INPP5A: variants seen among roughly 807,000 people sequenced by gnomAD.
The protein encoded by INPP5A is 43 kDa inositol polyphosphate 5-phophatase.
Under a neutral mutation model 65.2 loss-of-function variants are expected in INPP5A, and 14 were observed. The observed-to-expected ratio is 0.21, with a 90% CI of 0.14 to 0.34. INPP5A has a LOEUF of 0.34. Ranked by LOEUF, INPP5A falls within the 10% of genes least tolerant of loss-of-function variation. The pLI is 1.00. For synonymous variants in INPP5A, 207 were observed against 208.3 expected (o/e 0.99, Z 0.05); for missense variants, 431 against 545.6 (o/e 0.79, Z 2.09).
intron 8 of INPP5A, among the ~76,000 whole-genome samples, chr10:132,722,902 CTG>C (rs1428495695): frequency 7.9e-5 from 12 of 152,102 alleles, no homozygotes; most frequent in African/African-American, 2.9e-4. Context: ...TTTAGAACAA[CTG>C]TTTTTTTTTC....
At chr10:132,780,435 G>A (rs931012436) in intron 13 of INPP5A, among the ~76,000 whole-genome samples, 4 of 152,256 alleles carry the variant, frequency 2.6e-5, no homozygotes, top group African/African-American at 9.6e-5. Flanking sequence ...ATGGGCTGCC[G>A]CACTCAGAGG....
chr10:132,640,965 G>T (rs1283093051), intron 2 of INPP5A, among the ~76,000 whole-genome samples: 1 of 152,208 alleles, frequency 6.6e-6, no homozygotes, highest in African/African-American at 2.4e-5. Flanking sequence ...CCGCCGGGAT[G>T]CTCTGCCATG....
rs943635804 is a variant in INPP5A, at chr10:132,711,584, C to T, written c.647+1128C>T. On this transcript the variant is annotated intron_variant, in intron 8 of 15. Coordinates refer to ENST00000368594, the MANE Select transcript of INPP5A (RefSeq NM_005539.5). The stretch of plus-strand genomic sequence containing the variant: ...GCCCCTGACCTGAGCCCCCGCCCAG[C>T]CCCCGTGCGTGCAGAATGCGGAGTT... Among the ~76,000 whole-genome samples the T allele has an allele frequency of 2.0e-5, 3 of 152,152 alleles. 1 individual carries two copies. The highest frequency in any genetic ancestry group is 7.2e-5 in the African/African-American group (3 of 41,434).
chr10:132,749,340 C>A (rs552174325), intron 9 of INPP5A, among the ~76,000 whole-genome samples, 177 bp from the exon 10 acceptor site: 41 of 150,232 alleles, frequency 2.7e-4, no homozygotes, highest in East Asian at 1.4e-3. Flanking sequence ...GCCCTTCGCA[C>A]GTGTGAGGGT....
At chr10:132,685,194 TAGTC>T (rs1362078099) in intron 4 of INPP5A, among the ~76,000 whole-genome samples, 1 of 152,240 alleles carries the variant, frequency 6.6e-6, no homozygotes, top group Admixed American at 6.5e-5. Context: ...CGGTCGGCCT[TAGTC>T]AGGGCTCCCC....
At chr10:132,630,207 C>T (rs570075751) in intron 2 of INPP5A, among the ~76,000 whole-genome samples, 3 of 151,868 alleles carry the variant, frequency 2.0e-5, no homozygotes, top group South Asian at 4.2e-4. Flanking sequence ...GAGGGGAAGG[C>T]GTCCATGAGG....
intron 1 of INPP5A, among the ~76,000 whole-genome samples, chr10:132,593,835 A>G (rs2071649689): frequency 6.6e-6 from 1 of 152,102 alleles, no homozygotes; most frequent in African/African-American, 2.4e-5. Flanking sequence ...GGTGTCTGGC[A>G]CTAATTTTGG....
intron 2 of INPP5A, among the ~76,000 whole-genome samples, chr10:132,609,067 C>T (rs1212080222): frequency 2.6e-5 from 4 of 152,260 alleles, no homozygotes; most frequent in South Asian, 4.2e-4. Flanking sequence ...GGGACAACGG[C>T]GTGTGTGTGC....
intron 13 of INPP5A, 149 bp from the exon 14 acceptor site, chr10:132,780,700 C>T (rs1446359058): frequency 2.1e-5 from 15 of 714,652 alleles, no homozygotes; most frequent in African/African-American, 8.6e-5. Context: ...CCAGGCAGGG[C>T]GGGTGGCAGA....
chr10:132,708,134 A>G (rs1590942118), intron 6 of INPP5A, among the ~76,000 whole-genome samples, 179 bp from the exon 7 acceptor site: 1 of 152,136 alleles, frequency 6.6e-6, no homozygotes, highest in East Asian at 1.9e-4. Flanking sequence ...CTCTGTGCGA[A>G]GCCCCACTTG....
Position 132,575,984 on chromosome 10 carries a change from A to T in INPP5A, c.76-31931A>T, listed in dbSNP as rs1590841507. On this transcript the variant is annotated intron_variant, in intron 1 of 15. Coordinates refer to ENST00000368594, the MANE Select transcript of INPP5A (RefSeq NM_005539.5). The surrounding 1 kb of genome is among the most constrained non-coding windows in gnomAD (Gnocchi z 5.4). Reference sequence around the variant, plus strand: ...GAGTACTTTCTGGGGAAATGATTTCACCCACTGCCCCCTGCCCACATCCCT... The same window carrying T: ...GAGTACTTTCTGGGGAAATGATTTCTCCCACTGCCCCCTGCCCACATCCCT... 6.6e-6 allele frequency among the ~76,000 whole-genome samples: 1 copy of T among 151,964 alleles called. No individual in the cohort carries two copies. The highest frequency in any genetic ancestry group is 1.9e-4 in the East Asian group (1 of 5,162).
rs77251303 is a variant in INPP5A, at chr10:132,579,347, G to A, written c.76-28568G>A. Among the ~76,000 whole-genome samples, 58 of 152,172 alleles carry A rather than the reference G, an allele frequency of 3.8e-4. 1 individual carries two copies. In the East Asian group the frequency reaches 8.9e-3, roughly 23 times the overall value. ...TGAGGCGTACCTGTTGGGAAGTGAGGGCATGAACTCCGTTTTCCTCCTTTT... is the reference window on the plus strand; with the variant it reads ...TGAGGCGTACCTGTTGGGAAGTGAGAGCATGAACTCCGTTTTCCTCCTTTT... On this transcript the variant is annotated intron_variant, in intron 1 of 15. Coordinates refer to ENST00000368594, the MANE Select transcript of INPP5A (RefSeq NM_005539.5).
chr10:132,761,043 A>C (rs1350170670), intron 11 of INPP5A, among the ~76,000 whole-genome samples: 5 of 152,188 alleles, frequency 3.3e-5, no homozygotes, highest in Non-Finnish European at 7.3e-5. Context: ...GCAAAACACA[A>C]AGCCAGGCTC....
chr10:132,635,993 A>C (rs1477743696), intron 2 of INPP5A, among the ~76,000 whole-genome samples: 5 of 151,904 alleles, frequency 3.3e-5, no homozygotes, highest in Non-Finnish European at 7.4e-5. Flanking sequence ...CAAAAAAAAA[A>C]AAAAAAAAGG....
chr10:132,586,036 A>G (rs1329181793), intron 1 of INPP5A, among the ~76,000 whole-genome samples: 1 of 151,996 alleles, frequency 6.6e-6, no homozygotes, highest in African/African-American at 2.4e-5. Flanking sequence ...AGACCTGGCC[A>G]GCGCTTCTGT....
intron 12 of INPP5A, among the ~76,000 whole-genome samples, chr10:132,768,120 T>C (rs1846884461): frequency 7.3e-6 from 1 of 136,382 alleles, no homozygotes; most frequent in East Asian, 2.3e-4. Context: ...ATTCCCAGGG[T>C]GCCCACGTGC....
intron 2 of INPP5A, among the ~76,000 whole-genome samples, chr10:132,609,438 T>C (rs2071910846): frequency 6.6e-6 from 1 of 152,062 alleles, no homozygotes; most frequent in South Asian, 2.1e-4. Context: ...CGTGTGCCTG[T>C]CGGGGAGACC....
intron 1 of INPP5A, among the ~76,000 whole-genome samples, chr10:132,556,004 G>A (rs922119674): frequency 6.6e-6 from 1 of 151,958 alleles, no homozygotes; most frequent in African/African-American, 2.4e-5. Flanking sequence ...ACCTGAGTTG[G>A]GGTCTGCCGT....
intron 1 of INPP5A, among the ~76,000 whole-genome samples, chr10:132,552,551 A>C (rs1290299017): frequency 7.5e-6 from 1 of 134,080 alleles, no homozygotes; most frequent in Non-Finnish European, 1.6e-5. Context: ...TTGGTGGAAT[A>C]TTGAGTAGGA....
Sources: gnomAD v4.1 joint callset for allele counts (sites outside exome capture counted in the v4.1 genomes callset) on GRCh38, gnomAD v4.1.1 for gene constraint, Gnocchi (gnomAD v3.1) non-coding constraint, MANE v1.5 for transcripts, NCBI Gene and HGNC (gene_info 2026-07-23, HGNC 2026-07-21) for gene names.